CIB4: variants seen among roughly 807,000 people sequenced by gnomAD.
The protein encoded by CIB4 is calcium and integrin binding family member 4, also known as calcium and integrin-binding family member 4.
In CIB4, 25 loss-of-function variants were observed where a neutral mutation model predicts 25.8. The observed-to-expected ratio is 0.97, with a 90% CI of 0.71 to 1.35. The LOEUF (loss-of-function observed/expected upper bound fraction) is 1.35. CIB4 is among the 40% of genes most tolerant of loss of function. CIB4 has a pLI of 0.00. For synonymous variants in CIB4, 75 were observed against 81.4 expected, an observed-to-expected ratio of 0.92 and a Z score of 0.42; for missense variants, 235 against 228.2, an observed-to-expected ratio of 1.03 and a Z score of -0.19.
chr2:26,633,496 G>A (rs773948734), intron 2 of CIB4, among the ~76,000 whole-genome samples: 2 of 152,046 alleles, frequency 1.3e-5, no homozygotes, highest in Admixed American at 6.5e-5. Flanking sequence ...TGAGAGACTC[G>A]AGTCACCCCC....
chr2:26,583,595 C>T (rs1668392621), intron 5 of CIB4, among the ~76,000 whole-genome samples, 194 bp downstream of exon 5: 1 of 152,180 alleles, frequency 6.6e-6, no homozygotes, highest in African/African-American at 2.4e-5. Context: ...TGTGCCCATT[C>T]CTCAGGGCAC....
intron 1 of CIB4, 58 bp from the exon 2 acceptor site, chr2:26,640,625 T>G: frequency 6.4e-7 from 1 of 1,555,314 alleles, no homozygotes; most frequent in Non-Finnish European, 8.8e-7. Flanking sequence ...CTGTGGCCCC[T>G]GGGGAGTGGC....
intron 3 of CIB4, chr2:26,605,362 G>C (rs537605128): frequency 3.1e-6 from 1 of 320,434 alleles, no homozygotes; most frequent in South Asian, 2.4e-5. Flanking sequence ...GGGGGAAAGT[G>C]TATCAGCTGG....
At chr2:26,583,231 G>A (rs1165382213) in intron 5 of CIB4, among the ~76,000 whole-genome samples, 3 of 152,190 alleles carry the variant, frequency 2.0e-5, no homozygotes, top group Non-Finnish European at 4.4e-5. Flanking sequence ...GCAGGGAGGC[G>A]GTGGTGACTC....
chr2:26,605,887 T>G (rs1002515139), intron 3 of CIB4, among the ~76,000 whole-genome samples: 2 of 152,150 alleles, frequency 1.3e-5, no homozygotes, highest in Non-Finnish European at 2.9e-5. Context: ...CAGTGCTACT[T>G]TTGACTCCAT....
intron 6 of CIB4, among the ~76,000 whole-genome samples, chr2:26,582,576 G>A (rs935018363): frequency 1.3e-5 from 2 of 152,238 alleles, no homozygotes; most frequent in African/African-American, 4.8e-5. Context: ...GGAATGCTCT[G>A]AGGTTGGAGC....
chr2:26,585,204 G>C (rs1668427814), intron 4 of CIB4, among the ~76,000 whole-genome samples: 1 of 151,502 alleles, frequency 6.6e-6, no homozygotes, highest in African/African-American at 2.4e-5. Flanking sequence ...GGAGGTGCCA[G>C]GCCACCAGCG....
At chr2:26,584,290 T>G (rs913948087) in intron 4 of CIB4, among the ~76,000 whole-genome samples, 11 of 152,104 alleles carry the variant, frequency 7.2e-5, no homozygotes, top group African/African-American at 2.7e-4. Flanking sequence ...GAGCCCCATA[T>G]CCACCCCTGC....
At chr2:26,595,437 A>G (rs1668665133) in intron 3 of CIB4, 120 bp from the exon 4 acceptor site, 6 of 1,132,886 alleles carry the variant, frequency 5.3e-6, no homozygotes, top group South Asian at 1.6e-5. Context: ...AACAGCCACA[A>G]TGTAAATATC....
intron 2 of CIB4, among the ~76,000 whole-genome samples, chr2:26,631,470 T>C (rs924822554): frequency 1.3e-5 from 2 of 152,112 alleles, no homozygotes; most frequent in African/African-American, 2.4e-5. Context: ...CAAGACCCCG[T>C]CTCAATAAAC....
At chr2:26,608,276 G>C (rs1446303219) in intron 3 of CIB4, among the ~76,000 whole-genome samples, 1 of 149,374 alleles carries the variant, frequency 6.7e-6, no homozygotes, top group African/African-American at 2.5e-5. Flanking sequence ...GGTCTGGTGA[G>C]AAGGGGGTGA....
chr2:26,612,407 T>C (rs552457731), intron 3 of CIB4, among the ~76,000 whole-genome samples: 1 of 152,376 alleles, frequency 6.6e-6, no homozygotes, highest in East Asian at 1.9e-4. Context: ...GTAACTAGGA[T>C]GCAGTGGACA....
chr2:26,618,455 T>A (rs868388832), intron 3 of CIB4, among the ~76,000 whole-genome samples: 6 of 152,040 alleles, frequency 3.9e-5, no homozygotes, highest in African/African-American at 1.4e-4. Flanking sequence ...CTGGCTAATT[T>A]TTTATTTTTT....
intron 3 of CIB4, among the ~76,000 whole-genome samples, chr2:26,597,746 A>AT (rs1668707125): frequency 6.6e-6 from 1 of 151,986 alleles, no homozygotes; most frequent in Non-Finnish European, 1.5e-5. Flanking sequence ...CATGTTTCTC[A>AT]TTTTTTCATA....
At chr2:26,589,047 CTT>C (rs1558554752) in intron 4 of CIB4, among the ~76,000 whole-genome samples, 39 of 53,552 alleles carry the variant, frequency 7.3e-4, no homozygotes, top group African/African-American at 2.6e-3. Context: ...TCTTCTTCTT[CTT>C]CTTCTTCTTC....
intron 2 of CIB4, among the ~76,000 whole-genome samples, chr2:26,631,204 G>A (rs1669414055): frequency 6.6e-6 from 1 of 152,198 alleles, no homozygotes; most frequent in Non-Finnish European, 1.5e-5. Context: ...ACCGGGTGCG[G>A]CGGCTCATAC....
intron 3 of CIB4, among the ~76,000 whole-genome samples, chr2:26,625,295 G>T (rs1331182464): frequency 6.6e-6 from 1 of 150,814 alleles, no homozygotes; most frequent in African/African-American, 2.4e-5. Flanking sequence ...GCATGTGCTT[G>T]TACCTGGACC....
rs1385060518 is a variant in CIB4 at position 26,581,851 on chromosome 2, T to C, written c.528-458A>G. On this transcript the variant is annotated intron_variant, in intron 6 of 6. Coordinates refer to ENST00000288861, the MANE Select transcript of CIB4 (RefSeq NM_001029881.3). Reference sequence around the variant, plus strand: ...GGCAGTCAGAAGAGGGGAGGACCCCTGACCATGGCCACTCAGATTCTGTCT... The same window carrying C: ...GGCAGTCAGAAGAGGGGAGGACCCCCGACCATGGCCACTCAGATTCTGTCT... Among the ~76,000 whole-genome samples, 4 of 152,174 alleles carry C rather than the reference T, an allele frequency of 2.6e-5. No homozygotes were observed. In the South Asian group the frequency reaches 8.3e-4, roughly 32 times the overall value.
At position 26,583,775 on chromosome 2, in the gene CIB4, C is replaced by T. The variant is rs371151036; in HGVS notation, c.438+14G>A. 13 of 1,554,712 alleles carry T rather than the reference C, an allele frequency of 8.4e-6. No homozygotes were observed. Among genetic ancestry groups the T allele is most frequent in the South Asian group, 6.7e-5 (6 of 89,798 alleles). On this transcript the variant is annotated intron_variant, in intron 5 of 6. Coordinates refer to ENST00000288861, the MANE Select transcript of CIB4 (RefSeq NM_001029881.3). ...CCCGGCCCCAGCCACCAACTCCCAG[C>T]CCCCAGCACACACGTGGTTCGTGAG... is the stretch of plus-strand genomic sequence containing the variant.
Sources: gnomAD v4.1 joint callset for allele counts (sites outside exome capture counted in the v4.1 genomes callset) on GRCh38, gnomAD v4.1.1 for gene constraint, MANE v1.5 for transcripts, NCBI Gene and HGNC (gene_info 2026-07-23, HGNC 2026-07-21) for gene names.